Variants in SBNO1 observed in about 807,000 individuals in gnomAD.
SBNO1 encodes strawberry notch homolog 1.
A neutral mutation model predicts 173.6 loss-of-function variants in SBNO1; 23 were observed. The observed-to-expected ratio is 0.13, with a 90% CI of 0.10 to 0.19. SBNO1 has a LOEUF of 0.19. Ranked by LOEUF, SBNO1 falls within the 10% of genes least tolerant of loss-of-function variation. SBNO1 has a pLI of 1.00. For synonymous variants in SBNO1, 632 were observed against 571.5 expected (o/e 1.11, Z -1.51); for missense variants, 1,238 against 1,671.2 (o/e 0.74, Z 4.52).
Position 123,345,375 on chromosome 12 carries a change from A to T in SBNO1, c.433T>A (p.Ser145Thr). 1 of 1,614,172 alleles carries T rather than the reference A, an allele frequency of 6.2e-7. No individual in the cohort carries two copies. The highest frequency in any genetic ancestry group is 8.5e-7 in the Non-Finnish European group (1 of 1,180,026). Residue 145 changes from serine (S) to threonine (T), a missense_variant, in exon 4 of 32, where the codon TCT (serine) becomes ACT (threonine). Ser to Thr is a moderately conservative substitution (Grantham distance 58, BLOSUM62 1). Around this residue, in one of 14 missense-constraint regions of SBNO1, gnomAD observed 287 missense variants for 274.1 expected, o/e 1.05. Transcript: ENST00000602398. The stretch of plus-strand genomic sequence containing the variant: ...TGAACTTGGTCTTTTGAAGGTGCAG[A>T]GGTCATGGCATTTCGTACTGTTGGT... ...SAPTVRNAMT[S>T]APSKDQVQLK...
At chr12:123,323,554 C>A (rs553999789) in intron 16 of SBNO1, 126 bp downstream of exon 16, 1 of 511,864 alleles carries the variant, frequency 2.0e-6, no homozygotes, top group South Asian at 3.2e-5. Flanking sequence ...TGGGGTTTCA[C>A]CGTGTTAGCC....
chr12:123,293,473 TGAA>T lies in SBNO1; in HGVS notation c.*2432_*2434del, dbSNP rs1393415219. ...ACAGTGTAAAGGTCGGATGTCCACCTGAAGAAGGGGTGGGTGCAACTCTCTGGG... is the reference window on the plus strand; with the variant it reads ...ACAGTGTAAAGGTCGGATGTCCACCTGAAGGGGTGGGTGCAACTCTCTGGG... On this transcript the variant is annotated 3_prime_UTR_variant, in exon 32 of 32. Transcript: ENST00000602398. The T allele has an allele frequency of 6.6e-6, 1 of 152,152 alleles. No individual in the cohort carries two copies. The highest frequency in any genetic ancestry group is 1.5e-5 in the Non-Finnish European group (1 of 68,040). The allele number at this position is 152,152 out of a possible 1,614,324, so 9.4% of individuals were successfully genotyped here.
chr12:123,299,545 G>C (rs553187446), intron 30 of SBNO1, among the ~76,000 whole-genome samples: 1 of 151,578 alleles, frequency 6.6e-6, no homozygotes, highest in Admixed American at 6.6e-5. Context: ...GCAGGGTGTG[G>C]TGGCGGGCAC....
At chr12:123,308,534 T>C (rs1025010253) in intron 28 of SBNO1, among the ~76,000 whole-genome samples, 1 of 151,184 alleles carries the variant, frequency 6.6e-6, no homozygotes, top group East Asian at 2.0e-4. Context: ...TAGCCAGGCG[T>C]GGTGGCAGGC....
At chr12:123,341,576 C>T (rs1234699890) in intron 4 of SBNO1, among the ~76,000 whole-genome samples, 1 of 152,104 alleles carries the variant, frequency 6.6e-6, no homozygotes, top group Non-Finnish European at 1.5e-5. Flanking sequence ...GGATGGAGTG[C>T]GTTGGCGCAA....
rs1428474248 is a variant in SBNO1 at position 123,311,744 on chromosome 12, A to G, written c.3221-615T>C. On this transcript the variant is annotated intron_variant, in intron 24 of 31. Coordinates refer to ENST00000602398, the MANE Select transcript of SBNO1 (RefSeq NM_001167856.3). ...TCTATATATATATATATATATATAT[A>G]TATATTTTTGCGACAGAGTCTGACT... is the stretch of plus-strand genomic sequence containing the variant. 1.5e-4 allele frequency among the ~76,000 whole-genome samples: 20 copies of G among 132,830 alleles called. No homozygotes were observed. In the Admixed American group the frequency reaches 1.6e-3, roughly 10 times the overall value. The allele number at this position is 132,830 out of a possible 152,430, so 87.1% of individuals were successfully genotyped here. A position where few individuals can be genotyped will look rare whatever the true frequency, so the allele number is the denominator to read the frequency against.
chr12:123,335,481 C>T (rs1046199075), intron 6 of SBNO1, among the ~76,000 whole-genome samples: 3 of 152,204 alleles, frequency 2.0e-5, no homozygotes, highest in Non-Finnish European at 2.9e-5. Flanking sequence ...GAAAAGTATT[C>T]GAAAGACAAC....
chr12:123,359,819 G>A (rs929920433), intron 1 of SBNO1, among the ~76,000 whole-genome samples: 1 of 152,134 alleles, frequency 6.6e-6, no homozygotes, highest in African/African-American at 2.4e-5. Flanking sequence ...AACACTTGGT[G>A]AGTTCAAGCC....
At chr12:123,308,154 T>G (rs74240781) in intron 28 of SBNO1, among the ~76,000 whole-genome samples, 1 of 151,988 alleles carries the variant, frequency 6.6e-6, no homozygotes, top group Non-Finnish European at 1.5e-5. Flanking sequence ...TGGATCTGAG[T>G]AAGTAAATAT....
At chr12:123,340,893 A>G (rs1465749686) in intron 5 of SBNO1, 95 bp downstream of exon 5, 5 of 774,046 alleles carry the variant, frequency 6.5e-6, no homozygotes, top group Non-Finnish European at 1.1e-5. Flanking sequence ...CCCAACCCAA[A>G]AACAGCTTTC....
At chr12:123,364,269 G>C (rs1322791818) in intron 1 of SBNO1, 3 of 985,464 alleles carry the variant, frequency 3.0e-6, no homozygotes, top group South Asian at 4.7e-5. Flanking sequence ...GCACGAAAGA[G>C]GACTTGGGAA....
At chr12:123,343,187 C>T (rs1028759973) in intron 4 of SBNO1, among the ~76,000 whole-genome samples, 4 of 152,012 alleles carry the variant, frequency 2.6e-5, no homozygotes, top group African/African-American at 4.8e-5. Flanking sequence ...AAGCCGAGGT[C>T]GCGCCATTGC....
At chr12:123,300,913 C>A (rs554192156) in intron 30 of SBNO1, among the ~76,000 whole-genome samples, 1 of 147,684 alleles carries the variant, frequency 6.8e-6, no homozygotes, top group Non-Finnish European at 1.5e-5. Context: ...GAGCTGAGAT[C>A]GTGCCACTGC....
intron 9 of SBNO1, 131 bp from the exon 10 acceptor site, chr12:123,329,026 G>A (rs1047061470): frequency 3.7e-6 from 2 of 542,604 alleles, no homozygotes; most frequent in East Asian, 5.9e-5. Context: ...TAAAAGTACA[G>A]AGACGCAAAT....
chr12:123,313,252 A>AAT (rs1566028751), intron 24 of SBNO1, among the ~76,000 whole-genome samples: 2 of 143,868 alleles, frequency 1.4e-5, no homozygotes, highest in Non-Finnish European at 3.0e-5. Flanking sequence ...AAATAAATAA[A>AAT]TAATTTTTAA....
intron 1 of SBNO1, chr12:123,364,427 G>T (rs1307221059): frequency 2.7e-5 from 27 of 985,402 alleles, no homozygotes; most frequent in Non-Finnish European, 3.0e-5. Context: ...GGACAGCGGG[G>T]CTCCCGGAGC....
At chr12:123,318,205 C>T (rs912405292) in intron 20 of SBNO1, among the ~76,000 whole-genome samples, 2 of 152,062 alleles carry the variant, frequency 1.3e-5, no homozygotes, top group Non-Finnish European at 2.9e-5. Context: ...TTTGAGAGGC[C>T]GAGGCAGACG....
chr12:123,330,593 G>T, intron 8 of SBNO1, 84 bp from the exon 9 acceptor site: 64 of 571,060 alleles, frequency 1.1e-4, no homozygotes, highest in Non-Finnish European at 1.5e-4. Context: ...GCCAGGTCTT[G>T]ACACTTAAAA....
chr12:123,325,387 C>T, intron 15 of SBNO1, 115 bp downstream of exon 15: 1 of 691,898 alleles, frequency 1.4e-6, no homozygotes, highest in Non-Finnish European at 2.5e-6. Flanking sequence ...ATCAAGAAAA[C>T]TTAAAGATGA....
Sources: gnomAD v4.1 joint callset for allele counts (sites outside exome capture counted in the v4.1 genomes callset) on GRCh38, gnomAD v4.1.1 for gene constraint, gnomAD v4.1.1 regional missense constraint, MANE v1.5 for transcripts, NCBI Gene and HGNC (gene_info 2026-07-23, HGNC 2026-07-21) for gene names.